ARVCF: variants seen among roughly 807,000 people sequenced by gnomAD.
ARVCF encodes the protein splicing regulator ARVCF.
ARVCF carries 66 observed loss-of-function variants against 90.9 expected under a neutral mutation model. That is an observed-to-expected ratio of 0.73 (90% CI 0.60 to 0.89). The LOEUF is 0.89. Ranked by LOEUF, ARVCF falls within the 40% of genes least tolerant of loss-of-function variation. The probability of loss-of-function intolerance (pLI) is 0.00; values close to 1 mark genes in which losing one functional copy is unlikely to be tolerated. For missense variants in ARVCF, 1,469 were observed against 1,382.3 expected (o/e 1.06, Z -1.00); for synonymous variants, 653 against 603.4 (o/e 1.08, Z -1.21).
At position 19,973,282 on chromosome 22, in the gene ARVCF, G is replaced by A. The variant is rs1173552444; in HGVS notation, c.2275C>T (p.Arg759Cys). 6.9e-6 allele frequency: 11 copies of A among 1,605,664 alleles called. No individual in the cohort carries two copies. The highest frequency in any genetic ancestry group is 8.5e-6 in the Non-Finnish European group (10 of 1,178,504). ...YAMAELVRNV[R>C]NAQAPPRPGA... ...GGTCGCGGCGGAGCCTGTGCATTGC[G>A]CACATTCCGCACAAGCTCAGCCATG... Residue 759 changes from arginine (R) to cysteine (C), a missense_variant, in exon 14 of 20, where the codon CGC becomes TGC. Arg to Cys is a radical substitution (Grantham distance 180). Transcript: ENST00000263207.
At chr22:19,987,035 C>G in intron 3 of ARVCF, 1 of 654,258 alleles carries the variant, frequency 1.5e-6, no homozygotes, top group East Asian at 3.3e-5. Context: ...TGCCTCCGAC[C>G]CCGGGCCAGG....
intron 3 of ARVCF, among the ~76,000 whole-genome samples, 173 bp downstream of exon 3, chr22:19,990,412 G>A (rs1215014542): frequency 6.6e-6 from 1 of 152,216 alleles, no homozygotes; most frequent in Non-Finnish European, 1.5e-5. Flanking sequence ...ATGGTGCCTA[G>A]TACACCCAAG....
At chr22:19,993,441 G>A (rs2146395563) in intron 2 of ARVCF, among the ~76,000 whole-genome samples, 1 of 152,364 alleles carries the variant, frequency 6.6e-6, no homozygotes, top group South Asian at 2.1e-4. Context: ...GGGCCTGAGT[G>A]GATGCTGGGC....
chr22:19,988,477 C>T (rs1028296308), intron 3 of ARVCF, among the ~76,000 whole-genome samples: 2 of 152,258 alleles, frequency 1.3e-5, no homozygotes, highest in African/African-American at 4.8e-5. Context: ...CTGATGGCAC[C>T]CCTCCCCACT....
At chr22:19,987,464 C>T (rs1289456998) in intron 3 of ARVCF, among the ~76,000 whole-genome samples, 1 of 151,678 alleles carries the variant, frequency 6.6e-6, no homozygotes. Context: ...ACTTTCCCGC[C>T]GAAAGACTTT....
intron 2 of ARVCF, among the ~76,000 whole-genome samples, chr22:20,003,815 AG>A (rs1378500139): frequency 6.6e-6 from 1 of 152,254 alleles, no homozygotes; most frequent in Non-Finnish European, 1.5e-5. Context: ...AACAAGACAA[AG>A]ATGGCTGTTT....
chr22:19,972,719 C>G lies in ARVCF; in HGVS notation c.2641+18G>C. ...CTGGGGTCGCCACCCTCTAGGCTCC[C>G]TAAGCTCCACCACTCACCAAGGCTC... On this transcript the variant is annotated intron_variant, in intron 16 of 19. Coordinates refer to ENST00000263207, the MANE Select transcript of ARVCF (RefSeq NM_001670.3). 1 of 1,596,314 alleles carries G rather than the reference C, an allele frequency of 6.3e-7. No homozygotes were observed.
chr22:20,016,532 C>G (rs1440832587), intron 1 of ARVCF, 57 bp downstream of exon 1: 1 of 152,112 alleles, frequency 6.6e-6, no homozygotes, highest in Non-Finnish European at 1.5e-5. Flanking sequence ...CCAGTCCCGG[C>G]TCCGACCCGA....
chr22:19,969,032 C>A (rs947572832), downstream of ARVCF: 4 of 288,038 alleles, frequency 1.4e-5, no homozygotes, highest in African/African-American at 2.2e-5. Flanking sequence ...AGATATAACT[C>A]GACTTAGTAC....
At position 19,977,549 on chromosome 22, in the gene ARVCF, G is replaced by A; in HGVS notation, c.1736C>T (p.Ser579Phe). The A allele has an allele frequency of 6.3e-7, 1 of 1,581,046 alleles. No individual in the cohort carries two copies. The highest frequency in any genetic ancestry group is 8.6e-7 in the Non-Finnish European group (1 of 1,163,892). The change falls in exon 9 of 20, where the codon TCC becomes TTC. Residue 579 changes from serine to phenylalanine, a missense_variant. Ser to Phe is a radical substitution (Grantham distance 155, BLOSUM62 -2). Transcript: ENST00000263207. Reference sequence around the variant, plus strand: ...GGGCACCTCCTTGTGCACGTGGTAGGACAGGTTCCGCATGATGCACACGCA... The same window carrying A: ...GGGCACCTCCTTGTGCACGTGGTAGAACAGGTTCCGCATGATGCACACGCA... ...ENCVCIMRNL[S>F]YHVHKEVPGA...
chr22:20,004,953 G>A (rs970146093), intron 2 of ARVCF, among the ~76,000 whole-genome samples: 19 of 152,054 alleles, frequency 1.2e-4, no homozygotes, highest in Non-Finnish European at 1.3e-4. Flanking sequence ...GAAAATATAG[G>A]GGAAAGTCTT....
chr22:19,996,403 A>G (rs1029707503), intron 2 of ARVCF, among the ~76,000 whole-genome samples: 2 of 151,976 alleles, frequency 1.3e-5, no homozygotes, highest in African/African-American at 4.8e-5. Flanking sequence ...CGTTTTGATG[A>G]AATGACGGGT....
chr22:19,995,199 G>C lies in ARVCF; in HGVS notation c.-18-4387C>G, dbSNP rs143203473. ...AATAGGTGGTTATATAAGAAAATGA[G>C]GGGAGATGAGAGGATGGGTGAATGG... On this transcript the variant is annotated intron_variant, in intron 2 of 19. Coordinates refer to ENST00000263207, the MANE Select transcript of ARVCF (RefSeq NM_001670.3). Among the ~76,000 whole-genome samples the C allele has an allele frequency of 6.0e-3, 919 of 152,102 alleles. 21 individuals carry two copies. Among genetic ancestry groups the C allele is most frequent in the African/African-American group, 0.021 (891 of 41,448 alleles).
In ARVCF at chr22:19,977,427, T is replaced by C. The variant is rs773316962; in HGVS notation, c.1858A>G (p.Lys620Glu). 6.5e-7 allele frequency: 1 copy of C among 1,531,056 alleles called. No individual in the cohort carries two copies. Among genetic ancestry groups the C allele is most frequent in the Admixed American group, 2.1e-5 (1 of 46,528 alleles). 94.8% of individuals were successfully genotyped at this position (1,531,056 alleles called of 1,614,324 possible). The change falls in exon 9 of 20, where the codon AAG (lysine) becomes GAG (glutamate). Residue 620 changes from lysine (K) to glutamate (E), a missense_variant. By Grantham distance (56) the Lys-to-Glu change is moderately conservative. Transcript: ENST00000263207. ...RRDDASCFGGKKAKEEWFHQG... is the reference protein window; with the variant it reads ...RRDDASCFGGEKAKEEWFHQG... Reference sequence around the variant, plus strand: ...CCGCCCCACCCACCTTTGGCCTTCTTGCCTCCAAAGCAGCTGGCATCATCC... The same window carrying C: ...CCGCCCCACCCACCTTTGGCCTTCTCGCCTCCAAAGCAGCTGGCATCATCC...
chr22:19,972,436 G>C (rs753180718), intron 16 of ARVCF, 25 bp from the exon 17 acceptor site: 1 of 1,613,032 alleles, frequency 6.2e-7, no homozygotes, highest in Non-Finnish European at 8.5e-7. Flanking sequence ...GAGGAGACGG[G>C]CTGCATGTGG....
chr22:19,975,882 C>T (rs1943126879), intron 10 of ARVCF, 125 bp from the exon 11 acceptor site: 7 of 940,712 alleles, frequency 7.4e-6, no homozygotes. Flanking sequence ...GGCCTGGGCA[C>T]CTGTGGGAGT....
At chr22:19,994,965 G>T (rs1040474178) in intron 2 of ARVCF, among the ~76,000 whole-genome samples, 2 of 151,992 alleles carry the variant, frequency 1.3e-5, no homozygotes, top group Admixed American at 1.3e-4. Flanking sequence ...GGGGAATGAG[G>T]GGTATGGACA....
downstream of ARVCF, chr22:19,967,130 C>T: frequency 7.7e-7 from 1 of 1,291,904 alleles, no homozygotes; most frequent in Non-Finnish European, 1.0e-6. Context: ...TCCTTTCTGC[C>T]CTTCCCTCCT....
intron 2 of ARVCF, among the ~76,000 whole-genome samples, chr22:20,006,233 T>G (rs568568730): frequency 6.6e-6 from 1 of 152,188 alleles, no homozygotes; most frequent in Non-Finnish European, 1.5e-5. Context: ...ATGGTTAAGA[T>G]AGTAAATTTT....
Sources: allele counts gnomAD v4.1 joint callset (sites outside exome capture counted in the v4.1 genomes callset), GRCh38; gene constraint gnomAD v4.1.1; transcripts MANE v1.5; gene names NCBI Gene and HGNC (gene_info 2026-07-23, HGNC 2026-07-21).